The following WWOX variants were observed in gnomAD, a reference collection of about 807,000 sequenced individuals.
WWOX encodes the protein WW domain containing oxidoreductase, also known as WW domain-containing oxidoreductase.
A neutral mutation model predicts 46.2 loss-of-function variants in WWOX; 69 were observed. That is an observed-to-expected ratio of 1.49 (90% CI 1.23 to 1.82). The LOEUF (loss-of-function observed/expected upper bound fraction) is 1.82. WWOX is among the 40% of genes most tolerant of loss of function. The pLI is 0.00. For synonymous variants in WWOX, 359 were observed against 202.6 expected (o/e 1.77, Z -6.56); for missense variants, 919 against 542.6 (o/e 1.69, Z -6.89).
chr16:78,493,730 C>G lies in WWOX; in HGVS notation c.1056+60978C>G, dbSNP rs531492325. Among the ~76,000 whole-genome samples the G allele has an allele frequency of 6.6e-5, 10 of 152,158 alleles. No homozygotes were observed. The South Asian group carries it at 1.0e-3, about 16-fold the overall frequency. ...ATGGAACCCTCGCAACAGTCTTACCCCCATTGTAGAGATGAGAAAACTGAG... is the reference window on the plus strand; with the variant it reads ...ATGGAACCCTCGCAACAGTCTTACCGCCATTGTAGAGATGAGAAAACTGAG... On this transcript the variant is annotated intron_variant, in intron 8 of 8. Transcript: ENST00000566780.
chr16:78,603,443 C>T (rs1446070035), intron 8 of WWOX, among the ~76,000 whole-genome samples: 2 of 152,278 alleles, frequency 1.3e-5, no homozygotes, highest in African/African-American at 2.4e-5. Flanking sequence ...GCCTGCAATC[C>T]CAGCATTTTG....
chr16:78,420,180 G>A (rs928598315), intron 6 of WWOX, among the ~76,000 whole-genome samples: 2 of 152,080 alleles, frequency 1.3e-5, no homozygotes, highest in Non-Finnish European at 2.9e-5. Context: ...ATGTAAAATT[G>A]TATGGCCAAA....
intron 5 of WWOX, among the ~76,000 whole-genome samples, chr16:78,375,169 T>C (rs774184770): frequency 2.0e-5 from 3 of 152,268 alleles, no homozygotes; most frequent in Non-Finnish European, 4.4e-5. Flanking sequence ...TCGATTCATC[T>C]GTAAAGTAAA....
At chr16:79,001,549 C>G (rs981418661) in intron 8 of WWOX, among the ~76,000 whole-genome samples, 1 of 152,098 alleles carries the variant, frequency 6.6e-6, no homozygotes, top group Non-Finnish European at 1.5e-5. Context: ...TAGAGATTAT[C>G]CTCTCAGTTG....
intron 8 of WWOX, among the ~76,000 whole-genome samples, chr16:79,123,392 C>T (rs915640942): frequency 6.6e-6 from 1 of 152,118 alleles, no homozygotes; most frequent in Non-Finnish European, 1.5e-5. Context: ...TTCGTAACTC[C>T]CCAGGTTTTC....
chr16:79,011,127 T>A lies in WWOX; in HGVS notation c.1057-200481T>A, dbSNP rs1488705533. 5.0e-3 allele frequency among the ~76,000 whole-genome samples: 631 copies of A among 124,960 alleles called. 1 individual carries two copies. The highest frequency in any genetic ancestry group is 4.8e-3 in the Non-Finnish European group (295 of 61,828). The allele number at this position is 124,960 out of a possible 152,430, so 82.0% of individuals were successfully genotyped here. A position where few individuals can be genotyped will look rare whatever the true frequency, so the allele number is the denominator to read the frequency against. ...TATGTATGGTTACATATCTACTCAC[T>A]CACACATCCACACACACACACACAC... On this transcript the variant is annotated intron_variant, in intron 8 of 8. Transcript: ENST00000566780.
chr16:78,644,402 A>G (rs1239594982), intron 8 of WWOX, among the ~76,000 whole-genome samples: 1 of 152,156 alleles, frequency 6.6e-6, no homozygotes, highest in African/African-American at 2.4e-5. Flanking sequence ...TTAGGAGAGC[A>G]AGTCATGTGG....
chr16:79,159,986 T>C (rs1192795413), intron 8 of WWOX, among the ~76,000 whole-genome samples: 2 of 152,090 alleles, frequency 1.3e-5, no homozygotes, highest in Non-Finnish European at 2.9e-5. Context: ...CTTTGGGATT[T>C]GGGGCTGACT....
At chr16:78,948,918 T>C (rs1391115280) in intron 8 of WWOX, among the ~76,000 whole-genome samples, 1 of 152,054 alleles carries the variant, frequency 6.6e-6, no homozygotes, top group African/African-American at 2.4e-5. Context: ...ATCGGAGAGA[T>C]GTGGCAGAGG....
At chr16:79,096,067 C>T (rs1222557400) in intron 8 of WWOX, among the ~76,000 whole-genome samples, 1 of 130,206 alleles carries the variant, frequency 7.7e-6, no homozygotes, top group Admixed American at 8.5e-5. Flanking sequence ...GGGGTTTCAC[C>T]ATGTTGTCAA....
At chr16:79,023,384 C>T (rs574738724) in intron 8 of WWOX, among the ~76,000 whole-genome samples, 1 of 152,250 alleles carries the variant, frequency 6.6e-6, no homozygotes, top group East Asian at 1.9e-4. Context: ...GCCTAATTCC[C>T]TTGAGTGATT....
chr16:78,134,010 T>C (rs2033701031), intron 4 of WWOX, among the ~76,000 whole-genome samples: 1 of 152,250 alleles, frequency 6.6e-6, no homozygotes, highest in Admixed American at 6.5e-5. Context: ...TTTTCTTCAA[T>C]GTACCTAGAC....
chr16:78,228,105 C>CTG (rs2037128668), intron 5 of WWOX, among the ~76,000 whole-genome samples: 3 of 152,054 alleles, frequency 2.0e-5, no homozygotes, highest in African/African-American at 7.2e-5. Flanking sequence ...GTCACAAATG[C>CTG]CTTGATGTCT....
intron 4 of WWOX, among the ~76,000 whole-genome samples, chr16:78,151,307 G>A (rs2034399159): frequency 6.6e-6 from 1 of 152,098 alleles, no homozygotes. Flanking sequence ...CCTGATGGTG[G>A]GGTACACCTG....
chr16:78,691,446 C>G (rs2047985648), intron 8 of WWOX, among the ~76,000 whole-genome samples: 1 of 152,244 alleles, frequency 6.6e-6, no homozygotes, highest in Non-Finnish European at 1.5e-5. Flanking sequence ...CCTGTAATCT[C>G]CACACTTTGG....
intron 8 of WWOX, among the ~76,000 whole-genome samples, chr16:79,021,096 T>C (rs73569136): frequency 0.018 from 2,802 of 152,312 alleles, 87 homozygotes; most frequent in African/African-American, 0.065. Flanking sequence ...GAATCTTTAA[T>C]GCTAGTCCAG....
chr16:79,028,641 GA>G (rs781403006), intron 8 of WWOX, among the ~76,000 whole-genome samples: 3 of 151,410 alleles, frequency 2.0e-5, no homozygotes, highest in Non-Finnish European at 2.9e-5. Flanking sequence ...GTTTTGGGGG[GA>G]AAAAACGCTT....
intron 5 of WWOX, among the ~76,000 whole-genome samples, chr16:78,292,959 C>A (rs180868826): frequency 6.6e-6 from 1 of 152,324 alleles, no homozygotes; most frequent in Admixed American, 6.5e-5. Context: ...GACACCTCCC[C>A]TCCCCACCCT....
intron 6 of WWOX, among the ~76,000 whole-genome samples, chr16:78,390,563 T>C (rs562197938): frequency 6.6e-6 from 1 of 152,302 alleles, no homozygotes; most frequent in African/African-American, 2.4e-5. Flanking sequence ...AGAGAAATAC[T>C]GTGGTGGTGA....
Sources: allele counts gnomAD v4.1 joint callset (sites outside exome capture counted in the v4.1 genomes callset), GRCh38; gene constraint gnomAD v4.1.1; transcripts MANE v1.5; gene names NCBI Gene and HGNC (gene_info 2026-07-23, HGNC 2026-07-21).